The following SNTG2 variants were observed in gnomAD, a reference collection of about 807,000 sequenced individuals.
The protein encoded by SNTG2 is syntrophin gamma 2, also known as gamma-2-syntrophin.
Under a neutral mutation model 70.9 loss-of-function variants are expected in SNTG2, and 74 were observed. That is an observed-to-expected ratio of 1.04 (90% CI 0.86 to 1.27). The LOEUF is 1.27. Ranked by LOEUF, SNTG2 falls within the 50% of genes most tolerant of loss-of-function variation. SNTG2 has a pLI of 0.00. For missense variants in SNTG2, 717 were observed against 690.7 expected (o/e 1.04, Z -0.43); for synonymous variants, 278 against 273.8 (o/e 1.02, Z -0.15).
At chr2:976,352 T>C (rs931094408) in intron 1 of SNTG2, among the ~76,000 whole-genome samples, 5 of 152,152 alleles carry the variant, frequency 3.3e-5, no homozygotes, top group African/African-American at 1.2e-4. Context: ...CGCTGTGACA[T>C]ATCGATGTTG....
chr2:976,180 G>T (rs1207010435), intron 1 of SNTG2, among the ~76,000 whole-genome samples: 1 of 152,202 alleles, frequency 6.6e-6, no homozygotes, highest in Non-Finnish European at 1.5e-5. Context: ...AGAATAATTA[G>T]AAGCAATTCA....
chr2:1,351,357 A>T (rs1034655076), intron 16 of SNTG2, among the ~76,000 whole-genome samples: 2 of 152,182 alleles, frequency 1.3e-5, no homozygotes, highest in Admixed American at 6.5e-5. Flanking sequence ...TGCTGAGGGT[A>T]TAAATAACAT....
intron 1 of SNTG2, among the ~76,000 whole-genome samples, chr2:1,080,319 C>A (rs933089278): frequency 3.3e-5 from 5 of 152,210 alleles, no homozygotes; most frequent in African/African-American, 1.2e-4. Flanking sequence ...TGCGTCCTTC[C>A]AGACACTGCC....
At chr2:1,080,337 T>A (rs567255074) in intron 1 of SNTG2, among the ~76,000 whole-genome samples, 2 of 152,190 alleles carry the variant, frequency 1.3e-5, no homozygotes, top group African/African-American at 2.4e-5. Context: ...GCCTGTGACT[T>A]ATTTTTATAG....
rs745320928 is a variant in SNTG2 at position 1,098,180 on chromosome 2, CTAAAATGTTT to C, written c.211-11_211-2del. 24 of 1,613,226 alleles carry C rather than the reference CTAAAATGTTT, an allele frequency of 1.5e-5. No homozygotes were observed. The African/African-American group carries it at 3.1e-4, about 21-fold the overall frequency. ...TTTTAACCTAAACTTGGTTTGTTTTCTAAAATGTTTTAAAGCGCAGAACTGTTACACTCCG... is the reference window on the plus strand; with the variant it reads ...TTTTAACCTAAACTTGGTTTGTTTTCTAAAGCGCAGAACTGTTACACTCCG... On this transcript the variant is annotated splice_polypyrimidine_tract_variant and splice_region_variant and intron_variant, in intron 2 of 16. Coordinates refer to ENST00000308624, the MANE Select transcript of SNTG2 (RefSeq NM_018968.4).
intron 9 of SNTG2, among the ~76,000 whole-genome samples, chr2:1,217,891 C>G (rs1674504428): frequency 6.6e-6 from 1 of 152,058 alleles, no homozygotes; most frequent in Non-Finnish European, 1.5e-5. Context: ...GTTTTATTAT[C>G]TCACAGTCCT....
chr2:1,091,568 C>G (rs1407238700), intron 2 of SNTG2, among the ~76,000 whole-genome samples: 1 of 152,152 alleles, frequency 6.6e-6, no homozygotes, highest in Non-Finnish European at 1.5e-5. Flanking sequence ...GTCCCCGCAT[C>G]AGGTTAGGGC....
intron 8 of SNTG2, among the ~76,000 whole-genome samples, chr2:1,206,851 T>C (rs1359638138): frequency 6.6e-6 from 1 of 152,218 alleles, no homozygotes; most frequent in Non-Finnish European, 1.5e-5. Context: ...ATATTGTGCA[T>C]TGTATAGTAG....
At chr2:1,251,463 A>ACT (rs1677755292) in intron 12 of SNTG2, among the ~76,000 whole-genome samples, 1 of 146,102 alleles carries the variant, frequency 6.8e-6, no homozygotes, top group Non-Finnish European at 1.5e-5. Context: ...TACACACACC[A>ACT]CACACACACC....
chr2:1,026,039 T>C (rs1660465098), intron 1 of SNTG2, among the ~76,000 whole-genome samples: 1 of 152,226 alleles, frequency 6.6e-6, no homozygotes, highest in Non-Finnish European at 1.5e-5. Context: ...TTGTTGCATG[T>C]TTATAGAAGT....
At chr2:1,130,331 T>A (rs540787403) in intron 4 of SNTG2, among the ~76,000 whole-genome samples, 1 of 152,344 alleles carries the variant, frequency 6.6e-6, no homozygotes, top group African/African-American at 2.4e-5. Flanking sequence ...AATAGCAATA[T>A]GGTTTCCTCA....
At chr2:1,297,897 G>A (rs928499337) in intron 14 of SNTG2, among the ~76,000 whole-genome samples, 2 of 152,210 alleles carry the variant, frequency 1.3e-5, no homozygotes, top group Non-Finnish European at 2.9e-5. Flanking sequence ...GAACGGAGTA[G>A]TGAGAACTCC....
intron 1 of SNTG2, among the ~76,000 whole-genome samples, chr2:981,883 A>T (rs901812408): frequency 6.6e-6 from 1 of 151,974 alleles, no homozygotes; most frequent in Non-Finnish European, 1.5e-5. Context: ...ACAGATATAC[A>T]TTCACATGCG....
chr2:1,163,659 A>C (rs1350700406), intron 6 of SNTG2: 1 of 152,422 alleles, frequency 6.6e-6, no homozygotes, highest in Non-Finnish European at 1.5e-5. Flanking sequence ...GAAAATGCTC[A>C]GTGGCATTAC....
intron 6 of SNTG2, among the ~76,000 whole-genome samples, chr2:1,141,134 T>G (rs529271855): frequency 6.6e-6 from 1 of 152,298 alleles, no homozygotes; most frequent in South Asian, 2.1e-4. Context: ...TCTGACAGTT[T>G]ACTCAGCAGA....
intron 1 of SNTG2, among the ~76,000 whole-genome samples, chr2:970,380 C>T (rs1382716646): frequency 6.6e-6 from 1 of 150,636 alleles, no homozygotes; most frequent in Non-Finnish European, 1.5e-5. Flanking sequence ...AACTCATCAT[C>T]TAGCATTAGG....
chr2:996,401 G>A (rs1394953169), intron 1 of SNTG2, among the ~76,000 whole-genome samples: 1 of 152,036 alleles, frequency 6.6e-6, no homozygotes, highest in East Asian at 1.9e-4. Context: ...TTGTTCCTGA[G>A]CCTAATATTT....
rs558659539 is a variant in SNTG2, at chr2:1,097,730, A to G, written c.211-466A>G. On this transcript the variant is annotated intron_variant, in intron 2 of 16. Coordinates refer to ENST00000308624, the MANE Select transcript of SNTG2 (RefSeq NM_018968.4). This position sits in a 1 kb window ranked among gnomAD's most constrained non-coding sequence, Gnocchi z 4.1. ...GAAAAAATGGATCATTCATGAATTA[A>G]TATTGGTTGAAGATTGTCCTAAACA... 6.7e-4 allele frequency among the ~76,000 whole-genome samples: 102 copies of G among 152,164 alleles called. No individual in the cohort carries two copies. Among genetic ancestry groups the G allele is most frequent in the South Asian group, 4.1e-3 (20 of 4,820 alleles).
At chr2:1,219,859 A>G (rs1277736126) in intron 9 of SNTG2, 1 of 152,210 alleles carries the variant, frequency 6.6e-6, no homozygotes, top group Non-Finnish European at 1.5e-5. Context: ...GTGAGTTACA[A>G]TAAAATTTCA....
Sources: gnomAD v4.1 joint callset for allele counts (sites outside exome capture counted in the v4.1 genomes callset) on GRCh38, gnomAD v4.1.1 for gene constraint, Gnocchi (gnomAD v3.1) non-coding constraint, MANE v1.5 for transcripts, NCBI Gene and HGNC (gene_info 2026-07-23, HGNC 2026-07-21) for gene names.